Variants in RAP1A observed in about 807,000 individuals in gnomAD.
RAP1A encodes RAP1A, member of RAS oncogene family, also known as ras-related protein Rap-1A.
A neutral mutation model predicts 26.4 loss-of-function variants in RAP1A; 6 were observed. The observed-to-expected ratio is 0.23, with a 90% CI of 0.12 to 0.45. RAP1A has a LOEUF of 0.45. RAP1A is among the 20% of genes least tolerant of loss of function. The pLI is 0.99. For missense variants in RAP1A, 121 were observed against 217.2 expected (o/e 0.56, Z 2.78); for synonymous variants, 73 against 79.4 (o/e 0.92, Z 0.43).
At chr1:111,623,697 A>C (rs752828248) in intron 1 of RAP1A, among the ~76,000 whole-genome samples, 2 of 152,142 alleles carry the variant, frequency 1.3e-5, no homozygotes, top group Non-Finnish European at 2.9e-5. Flanking sequence ...GGCTGAGACT[A>C]TTGTTTTTGT....
At chr1:111,594,092 C>T (rs1658518579) in intron 1 of RAP1A, among the ~76,000 whole-genome samples, 2 of 152,154 alleles carry the variant, frequency 1.3e-5, no homozygotes, top group Non-Finnish European at 2.9e-5. Context: ...GCAGTGGGGG[C>T]TGGTGTCAGC....
intron 4 of RAP1A, among the ~76,000 whole-genome samples, chr1:111,699,036 A>C: frequency 6.6e-6 from 1 of 151,616 alleles, no homozygotes; most frequent in Non-Finnish European, 1.5e-5. Flanking sequence ...AGAGATCTTT[A>C]CTTTGTGCTA....
At chr1:111,542,164 G>A (rs922081976), upstream of RAP1A, 63 of 424,042 alleles carry the variant, frequency 1.5e-4, no homozygotes, top group African/African-American at 1.2e-3. Flanking sequence ...TTGAGTAGAT[G>A]CCTTGGATAA....
chr1:111,546,906 A>G (rs1335458450), intron 1 of RAP1A, among the ~76,000 whole-genome samples: 2 of 152,144 alleles, frequency 1.3e-5, no homozygotes, highest in African/African-American at 4.8e-5. Context: ...CAAGGAATTT[A>G]ATTTCTCCAT....
chr1:111,616,040 G>A (rs1183237535), upstream of RAP1A, among the ~76,000 whole-genome samples: 1 of 152,158 alleles, frequency 6.6e-6, no homozygotes, highest in Non-Finnish European at 1.5e-5. Flanking sequence ...CTTCGGTTTG[G>A]CAGCTGAGTG....
chr1:111,688,026 C>CA (rs58107878), intron 1 of RAP1A, among the ~76,000 whole-genome samples: 19,214 of 51,550 alleles, frequency 0.37, 4,623 homozygotes, highest in East Asian at 0.49. Flanking sequence ...GACCCTGTCT[C>CA]AAAAAAAAAA....
At chr1:111,669,516 A>T (rs1211445136) in intron 1 of RAP1A, among the ~76,000 whole-genome samples, 1 of 152,212 alleles carries the variant, frequency 6.6e-6, no homozygotes, top group African/African-American at 2.4e-5. Context: ...TACTCTAAGG[A>T]TGACAGAGCA....
intron 1 of RAP1A, among the ~76,000 whole-genome samples, chr1:111,662,708 G>GA (rs1364172121): frequency 6.8e-6 from 1 of 147,182 alleles, no homozygotes; most frequent in Admixed American, 6.9e-5. Flanking sequence ...GTTTGGGAAG[G>GA]AAAAAAGCAT....
At chr1:111,582,470 T>C (rs1271724429) in intron 1 of RAP1A, among the ~76,000 whole-genome samples, 2 of 152,186 alleles carry the variant, frequency 1.3e-5, no homozygotes, top group Non-Finnish European at 2.9e-5. Flanking sequence ...TGTCTAAATA[T>C]TGGTTTGGGG....
At chr1:111,684,726 C>T (rs955712999) in intron 1 of RAP1A, among the ~76,000 whole-genome samples, 2 of 123,454 alleles carry the variant, frequency 1.6e-5, no homozygotes, top group African/African-American at 6.5e-5. Context: ...TTTATAGATT[C>T]AGTGCTCCCC....
At chr1:111,636,552 C>T (rs546541837) in intron 1 of RAP1A, among the ~76,000 whole-genome samples, 8 of 150,640 alleles carry the variant, frequency 5.3e-5, no homozygotes, top group South Asian at 2.1e-4. Flanking sequence ...GATGTGATCT[C>T]GGCTCACTGC....
At chr1:111,639,159 A>T (rs982489866) in intron 1 of RAP1A, among the ~76,000 whole-genome samples, 27 of 152,110 alleles carry the variant, frequency 1.8e-4, no homozygotes, top group African/African-American at 6.3e-4. Flanking sequence ...CATTTCTGGT[A>T]ATGTGTTTAG....
intron 1 of RAP1A, among the ~76,000 whole-genome samples, chr1:111,689,315 C>CT (rs1236733540): frequency 6.6e-6 from 1 of 151,022 alleles, no homozygotes; most frequent in Non-Finnish European, 1.5e-5. Flanking sequence ...ACCCTTGCTT[C>CT]TTTCTTCCCT....
chr1:111,658,080 TA>T (rs1195391960), intron 1 of RAP1A, among the ~76,000 whole-genome samples: 1 of 152,202 alleles, frequency 6.6e-6, no homozygotes, highest in Non-Finnish European at 1.5e-5. Flanking sequence ...TTGAAAATAA[TA>T]TATATTCTTT....
intron 1 of RAP1A, among the ~76,000 whole-genome samples, chr1:111,630,226 C>T (rs1659527093): frequency 6.6e-6 from 1 of 152,134 alleles, no homozygotes; most frequent in Admixed American, 6.5e-5. Flanking sequence ...ATGAAGTGTA[C>T]TGGTTGAATA....
intron 1 of RAP1A, among the ~76,000 whole-genome samples, chr1:111,581,469 A>G (rs1489204476): frequency 6.6e-6 from 1 of 152,228 alleles, no homozygotes; most frequent in African/African-American, 2.4e-5. Context: ...TGTACAGCAC[A>G]GCCCCTCATG....
intron 1 of RAP1A, among the ~76,000 whole-genome samples, chr1:111,623,082 A>G (rs1443400418): frequency 1.3e-5 from 2 of 152,002 alleles, no homozygotes; most frequent in African/African-American, 2.4e-5. Context: ...CAGTGGTGCA[A>G]TCTTGGCTCA....
At chr1:111,639,303 G>C (rs143556879) in intron 1 of RAP1A, among the ~76,000 whole-genome samples, 1 of 151,962 alleles carries the variant, frequency 6.6e-6, no homozygotes, top group South Asian at 2.1e-4. Context: ...TGTTATAGTA[G>C]GTAACACTTT....
intron 4 of RAP1A, among the ~76,000 whole-genome samples, chr1:111,698,504 A>G (rs1661911872): frequency 6.6e-6 from 1 of 152,032 alleles, no homozygotes; most frequent in African/African-American, 2.4e-5. Context: ...CCTGACCTCA[A>G]GTGTTCTTCC....
Sources: gnomAD v4.1 joint callset for allele counts (sites outside exome capture counted in the v4.1 genomes callset) on GRCh38, gnomAD v4.1.1 for gene constraint, MANE v1.5 for transcripts, NCBI Gene and HGNC (gene_info 2026-07-23, HGNC 2026-07-21) for gene names.